The following ARHGAP18 variants were observed in gnomAD, a reference collection of about 807,000 sequenced individuals.
ARHGAP18 encodes the protein Rho GTPase activating protein 18, also known as rho GTPase-activating protein 18.
In ARHGAP18, 67 loss-of-function variants were observed where a neutral mutation model predicts 86.2. The ratio of observed to expected loss-of-function variants is 0.78; its 90% CI spans 0.64 to 0.95. ARHGAP18 has a LOEUF of 0.95. Among genes scored for constraint, ARHGAP18 ranks in the 40% least tolerant of loss-of-function variants. The pLI is 0.00. For synonymous variants in ARHGAP18, 283 were observed against 280.4 expected, an observed-to-expected ratio of 1.01 and a Z score of -0.09; for missense variants, 691 against 780.4, an observed-to-expected ratio of 0.89 and a Z score of 1.37.
chr6:129,655,773 C>T (rs1773823436), intron 1 of ARHGAP18, among the ~76,000 whole-genome samples: 1 of 152,126 alleles, frequency 6.6e-6, no homozygotes, highest in Non-Finnish European at 1.5e-5. Context: ...TAGAGAAATG[C>T]TAATTTCTTA....
rs10688716 is a variant in ARHGAP18 at position 129,676,915 on chromosome 6, C to CTTTTTTTTTT, written c.113+33099_113+33108dup. On this transcript the variant is annotated intron_variant, in intron 1 of 14. Transcript: ENST00000368149. ...AAACAGATGAAAAATTTTTTGTCCT[C>CTTTTTTTTTT]TTTTTTTTTTTTTTTTTTTTTTTTT... Among the ~76,000 whole-genome samples, 24 of 37,986 alleles carry CTTTTTTTTTT rather than the reference C, an allele frequency of 6.3e-4. 3 individuals are homozygous for CTTTTTTTTTT. Among genetic ancestry groups the CTTTTTTTTTT allele is most frequent in the African/African-American group, 1.4e-3 (21 of 14,510 alleles). The allele number at this position is 37,986 out of a possible 152,430, so 24.9% of individuals were successfully genotyped here. A position where few individuals can be genotyped will look rare whatever the true frequency, so the allele number is the denominator to read the frequency against.
At chr6:129,606,059 A>G in intron 9 of ARHGAP18, 100 bp from the exon 10 acceptor site, 1 of 1,107,196 alleles carries the variant, frequency 9.0e-7, no homozygotes, top group South Asian at 1.3e-5. Flanking sequence ...TGGCATAAAC[A>G]TGACTGTAAA....
intron 1 of ARHGAP18, among the ~76,000 whole-genome samples, chr6:129,686,811 A>C (rs1470575754): frequency 8.8e-6 from 1 of 113,580 alleles, no homozygotes; most frequent in African/African-American, 3.2e-5. Flanking sequence ...TTTTTTTGAG[A>C]TGGAGTCTCG....
At chr6:129,688,798 A>AT (rs1460798598) in intron 1 of ARHGAP18, among the ~76,000 whole-genome samples, 1 of 151,916 alleles carries the variant, frequency 6.6e-6, no homozygotes, top group Non-Finnish European at 1.5e-5. Flanking sequence ...AAGTCAAAAA[A>AT]AAAAAATATG....
At chr6:129,597,224 C>T (rs1482639575) in intron 12 of ARHGAP18, among the ~76,000 whole-genome samples, 2 of 151,434 alleles carry the variant, frequency 1.3e-5, no homozygotes, top group Non-Finnish European at 2.9e-5. Flanking sequence ...TGGCTCACTG[C>T]CTCCCAGGTT....
At position 129,653,042 on chromosome 6, in the gene ARHGAP18, C is replaced by T. The variant is rs182152201; in HGVS notation, c.114-11024G>A. On this transcript the variant is annotated intron_variant, in intron 1 of 14. Coordinates refer to ENST00000368149, the MANE Select transcript of ARHGAP18 (RefSeq NM_033515.3). ...ATCTGATAATAACGAAAGCTACATA[C>T]ACACCATATTATGAAAGAGACATGG... Among the ~76,000 whole-genome samples the T allele has an allele frequency of 1.2e-3, 182 of 152,190 alleles. 1 individual carries two copies. The highest frequency in any genetic ancestry group is 4.1e-3 in the African/African-American group (171 of 41,532).
intron 1 of ARHGAP18, among the ~76,000 whole-genome samples, chr6:129,708,940 A>G (rs1024769648): frequency 3.3e-5 from 5 of 152,230 alleles, no homozygotes; most frequent in Non-Finnish European, 7.4e-5. Flanking sequence ...TGAAATACAT[A>G]CTGTGGATGC....
rs561102556 is a variant in ARHGAP18, at chr6:129,643,911, CTTAA to C, written c.114-1897_114-1894del. 2.4e-3 allele frequency among the ~76,000 whole-genome samples: 367 copies of C among 152,266 alleles called. 1 individual carries two copies. Among genetic ancestry groups the C allele is most frequent in the Middle Eastern group, 0.02 (6 of 294 alleles). On this transcript the variant is annotated intron_variant, in intron 1 of 14. Coordinates refer to ENST00000368149, the MANE Select transcript of ARHGAP18 (RefSeq NM_033515.3). ...CAACTGGTTAGAAAAAGGCAAGGAA[CTTAA>C]TTGTTTATTGCTGCAAATAAATGCA... is the stretch of plus-strand genomic sequence containing the variant.
intron 7 of ARHGAP18, among the ~76,000 whole-genome samples, chr6:129,612,972 C>G (rs751522175): frequency 6.6e-5 from 10 of 151,866 alleles, no homozygotes; most frequent in East Asian, 1.9e-4. Context: ...GGTGGCTCAC[C>G]CCTGTAATCC....
intron 1 of ARHGAP18, among the ~76,000 whole-genome samples, chr6:129,691,573 A>T (rs1037506423): frequency 9.2e-5 from 14 of 152,156 alleles, no homozygotes; most frequent in Non-Finnish European, 4.4e-5. Context: ...TCACAGAACA[A>T]AGTTTTGTAA....
chr6:129,592,828 G>A (rs780975915), intron 12 of ARHGAP18, among the ~76,000 whole-genome samples: 5 of 152,100 alleles, frequency 3.3e-5, no homozygotes, highest in Admixed American at 1.3e-4. Context: ...AGTAGGCAGA[G>A]ATGCAATCTG....
chr6:129,580,252 T>C (rs1788259839), intron 13 of ARHGAP18, 121 bp from the exon 14 acceptor site: 2 of 763,598 alleles, frequency 2.6e-6, no homozygotes, highest in African/African-American at 1.8e-5. Context: ...ACACTGTAAT[T>C]ATCTACACGT....
chr6:129,626,025 GCTAT>G (rs1789458336), intron 5 of ARHGAP18, among the ~76,000 whole-genome samples: 1 of 88,626 alleles, frequency 1.1e-5, no homozygotes, highest in Non-Finnish European at 2.2e-5. Flanking sequence ...ATCAAATATA[GCTAT>G]CTATATATAT....
chr6:129,605,733 A>C (rs2114454390), intron 10 of ARHGAP18, 144 bp downstream of exon 10: 1 of 682,892 alleles, frequency 1.5e-6, no homozygotes, highest in East Asian at 2.6e-5. Flanking sequence ...AAAGGCTTTC[A>C]CCCTCTGTCC....
chr6:129,641,837 C>T lies in ARHGAP18; in HGVS notation c.295G>A (p.Val99Ile). The change falls in exon 2 of 15, where the codon GTT (valine) becomes ATT (isoleucine). Residue 99 changes from valine to isoleucine, a missense_variant. Transcript: ENST00000368149. ...TTACCATCAGGCTCTTTGACAACAA[C>T]CACCTCTTGATCTTCTTGGCTGTTT... The part of the protein sequence containing the change: ...SENSQEDQEV[V>I]VVKEPDEGEL... 1 of 1,613,702 alleles carries T rather than the reference C, an allele frequency of 6.2e-7. No individual in the cohort carries two copies. Among genetic ancestry groups the T allele is most frequent in the Non-Finnish European group, 8.5e-7 (1 of 1,179,838 alleles).
chr6:129,683,440 C>T (rs759610007), intron 1 of ARHGAP18, among the ~76,000 whole-genome samples: 26 of 152,140 alleles, frequency 1.7e-4, no homozygotes, highest in Admixed American at 6.5e-4. Context: ...CTGCCAAGTA[C>T]GGGCTTTTTT....
chr6:129,706,685 G>A (rs937081788), intron 1 of ARHGAP18, among the ~76,000 whole-genome samples: 1 of 151,718 alleles, frequency 6.6e-6, no homozygotes, highest in Non-Finnish European at 1.5e-5. Flanking sequence ...TCAGGAGTTC[G>A]AGACCAGCCT....
At chr6:129,596,173 A>G (rs1215057918) in intron 12 of ARHGAP18, among the ~76,000 whole-genome samples, 1 of 152,232 alleles carries the variant, frequency 6.6e-6, no homozygotes, top group Non-Finnish European at 1.5e-5. Context: ...AGTAAATCCA[A>G]ATTTCTAATG....
In ARHGAP18 at chr6:129,600,724, C is replaced by T. The variant is rs372527866; in HGVS notation, c.1490G>A (p.Ser497Asn). 15 of 1,613,640 alleles carry T rather than the reference C, an allele frequency of 9.3e-6. No individual in the cohort carries two copies. In the African/African-American group the frequency reaches 2.0e-4, roughly 22 times the overall value. The change falls in exon 11 of 15, where the codon AGT (serine) becomes AAT (asparagine). Residue 497 changes from serine to asparagine, a missense_variant. By Grantham distance (46) the Ser-to-Asn change is conservative (BLOSUM62 1). Transcript: ENST00000368149. ...FMCHALGLKS[S>N]EQREFVMAAG... ...TGCCATTACAAATTCTCGCTGTTCA[C>T]TGGACTTCAATCCCAATGCATGACA...
Sources: allele counts gnomAD v4.1 joint callset (sites outside exome capture counted in the v4.1 genomes callset), GRCh38; gene constraint gnomAD v4.1.1; transcripts MANE v1.5; gene names NCBI Gene and HGNC (gene_info 2026-07-23, HGNC 2026-07-21).